Variants in ADI1 observed in about 807,000 individuals in gnomAD.
ADI1 encodes the protein acireductone dioxygenase 1.
ADI1 carries 21 observed loss-of-function variants against 18.7 expected under a neutral mutation model. The ratio of observed to expected loss-of-function variants is 1.13; its 90% CI spans 0.80 to 1.62. The LOEUF (loss-of-function observed/expected upper bound fraction) is 1.62, where lower values mean the gene tolerates loss of function less well. Among genes scored for constraint, ADI1 ranks in the 40% most tolerant of loss-of-function variants. ADI1 has a pLI of 0.00. For synonymous variants in ADI1, 90 were observed against 100.1 expected (o/e 0.90, Z 0.60); for missense variants, 245 against 254.9 (o/e 0.96, Z 0.26).
Position 3,498,325 on chromosome 2 carries a change from AACAC to A in ADI1, c.*634_*637del, listed in dbSNP as rs1666911125. On this transcript the variant is annotated 3_prime_UTR_variant, in exon 4 of 4. Coordinates refer to ENST00000327435, the MANE Select transcript of ADI1 (RefSeq NM_018269.4). ...AGAGATCTCACACTGAAAAAATACT[AACAC>A]AGCTCATATATAAATTACTTATCTA... 6.6e-6 allele frequency: 1 copy of A among 152,228 alleles called. No individual in the cohort carries two copies. Among genetic ancestry groups the A allele is most frequent in the Non-Finnish European group, 1.5e-5 (1 of 68,042 alleles). 9.4% of individuals were successfully genotyped at this position (152,228 alleles called of 1,614,324 possible). A position where few individuals can be genotyped will look rare whatever the true frequency, so the allele number is the denominator to read the frequency against.
chr2:3,503,730 A>C (rs1248573313), intron 2 of ADI1, among the ~76,000 whole-genome samples: 4 of 152,208 alleles, frequency 2.6e-5, no homozygotes, highest in Non-Finnish European at 5.9e-5. Context: ...CTGTAGGTCC[A>C]GAAAGTAATG....
At position 3,500,936 on chromosome 2, in the gene ADI1, C is replaced by A; in HGVS notation, c.298G>T (p.Asp100Tyr). The A allele has an allele frequency of 6.2e-7, 1 of 1,614,006 alleles. No homozygotes were observed. Residue 100 changes from aspartate to tyrosine, a missense_variant, in exon 3 of 4, where the codon GAT becomes TAT. Coordinates refer to ENST00000327435, the MANE Select transcript of ADI1 (RefSeq NM_018269.4). The part of the protein sequence containing the change: ...HLDDEIRYIL[D>Y]GSGYFDVRDK... ...CTCACATCGAAGTACCCACTGCCAT[C>A]CAGGATGTAGCGGATCTCATCGTCC...
intron 3 of ADI1, 102 bp downstream of exon 3, chr2:3,500,712 C>T: frequency 1.3e-6 from 2 of 1,501,820 alleles, no homozygotes; most frequent in African/African-American, 1.4e-5. Flanking sequence ...AGCCCAGCGA[C>T]CGCGCTTGGA....
At chr2:3,518,252 A>C (rs1263933716) in intron 1 of ADI1, among the ~76,000 whole-genome samples, 4 of 152,234 alleles carry the variant, frequency 2.6e-5, no homozygotes, top group Non-Finnish European at 5.9e-5. Context: ...TATTTAGGAT[A>C]GAACAAGATG....
intron 2 of ADI1, among the ~76,000 whole-genome samples, chr2:3,509,865 C>T (rs965321307): frequency 7.3e-5 from 11 of 151,644 alleles, no homozygotes; most frequent in African/African-American, 2.2e-4. Flanking sequence ...TTAGGCAGGC[C>T]GGGTGCGGTG....
At chr2:3,516,679 C>T (rs1472739263) in intron 1 of ADI1, 1 of 957,606 alleles carries the variant, frequency 1.0e-6, no homozygotes, top group African/African-American at 1.8e-5. Context: ...TATAAATTGC[C>T]CAGTTTAAGC....
chr2:3,501,864 A>T (rs1004893978), intron 2 of ADI1, among the ~76,000 whole-genome samples: 4 of 152,096 alleles, frequency 2.6e-5, no homozygotes. Flanking sequence ...TTTCTTCCTA[A>T]TATTTTATAA....
intron 1 of ADI1, chr2:3,514,706 T>C: frequency 7.0e-7 from 1 of 1,436,330 alleles, no homozygotes; most frequent in South Asian, 1.3e-5. Context: ...CTGATGAAGC[T>C]CCAGGCAGAA....
chr2:3,516,130 C>T, intron 1 of ADI1: 1 of 854,458 alleles, frequency 1.2e-6, no homozygotes, highest in Non-Finnish European at 1.4e-6. Context: ...GGGGTGGGAC[C>T]TTTAGGATGT....
At chr2:3,505,478 T>C (rs896198496) in intron 2 of ADI1, among the ~76,000 whole-genome samples, 2 of 152,168 alleles carry the variant, frequency 1.3e-5, no homozygotes, top group African/African-American at 4.8e-5. Context: ...CTGCAAAAGC[T>C]CTACTGGGTC....
chr2:3,513,912 GAGT>G lies in ADI1; in HGVS notation c.182_184del (p.Tyr61del). The G allele has an allele frequency of 6.2e-7, 1 of 1,612,172 alleles. No individual in the cohort carries two copies. The highest frequency in any genetic ancestry group is 8.5e-7 in the Non-Finnish European group (1 of 1,179,524). On this transcript the variant is annotated inframe_deletion, in exon 2 of 4. Transcript: ENST00000327435. Reference sequence around the variant, plus strand: ...GCATATGGTTATGATGTCCATCCAGGAGTAGTTCCTCTCTCTTCGGATCTTTTC... The same window carrying G: ...GCATATGGTTATGATGTCCATCCAGGAGTTCCTCTCTCTTCGGATCTTTTC...
At position 3,498,373 on chromosome 2, in the gene ADI1, G is replaced by C. The variant is rs916000147; in HGVS notation, c.*590C>G. On this transcript the variant is annotated 3_prime_UTR_variant, in exon 4 of 4. Coordinates refer to ENST00000327435, the MANE Select transcript of ADI1 (RefSeq NM_018269.4). ...TTATCTATAAGAACAATTATAGAAG[G>C]AATCTAAATGGGGCAATTTTAACAA... 6.6e-6 allele frequency: 1 copy of C among 152,140 alleles called. No individual in the cohort carries two copies. The highest frequency in any genetic ancestry group is 6.6e-5 in the Admixed American group (1 of 15,266). 9.4% of individuals were successfully genotyped at this position (152,140 alleles called of 1,614,324 possible). A position where few individuals can be genotyped will look rare whatever the true frequency, so the allele number is the denominator to read the frequency against.
At chr2:3,503,375 A>ATACACACGTACTC (rs1491549482) in intron 2 of ADI1, among the ~76,000 whole-genome samples, 2 of 102,940 alleles carry the variant, frequency 1.9e-5, no homozygotes, top group Non-Finnish European at 3.5e-5. Flanking sequence ...ACATGCACAC[A>ATACACACGTACTC]TACACACGTA....
chr2:3,500,473 T>G (rs370819216), intron 3 of ADI1: 4 of 197,300 alleles, frequency 2.0e-5, no homozygotes, highest in East Asian at 9.8e-5. Flanking sequence ...ACCCTAGAGA[T>G]GCCTCACCGC....
chr2:3,517,134 A>ATTC (rs1667426662), intron 1 of ADI1: 1 of 148,238 alleles, frequency 6.7e-6, no homozygotes, highest in Non-Finnish European at 1.4e-5. Flanking sequence ...AACTTTAAAG[A>ATTC]AGGAGGTGCA....
At chr2:3,510,090 C>T (rs987195727) in intron 2 of ADI1, among the ~76,000 whole-genome samples, 7 of 151,066 alleles carry the variant, frequency 4.6e-5, no homozygotes, top group African/African-American at 1.7e-4. Context: ...TTGCGGAGAG[C>T]CGAGATTGTG....
chr2:3,510,671 A>C (rs543632902), intron 2 of ADI1, among the ~76,000 whole-genome samples: 1 of 152,322 alleles, frequency 6.6e-6, no homozygotes, highest in Non-Finnish European at 1.5e-5. Flanking sequence ...TATGGCAATA[A>C]ATTTGACAAC....
rs1667507887 is a variant in ADI1, at chr2:3,519,455, C to T, written c.33G>A (p.Pro11=). The T allele has an allele frequency of 1.5e-6, 2 of 1,355,000 alleles. No homozygotes were observed. Among genetic ancestry groups the T allele is most frequent in the Admixed American group, 4.0e-5 (1 of 25,294 alleles). 83.9% of individuals were successfully genotyped at this position (1,355,000 alleles called of 1,614,324 possible). ...GGCGGTGGGGTTGCCGCGGGTCGCCCGGGGCGTCGTCCATATACCAGGCCT... is the reference window on the plus strand; with the variant it reads ...GGCGGTGGGGTTGCCGCGGGTCGCCTGGGGCGTCGTCCATATACCAGGCCT... The part of the protein sequence containing the change: MVQAWYMDDA[P]GDPRQPHRPD... The change falls in exon 1 of 4, where the codon CCG becomes CCA. Residue 11 remains proline (P), a synonymous_variant. Transcript: ENST00000327435.
Position 3,519,384 on chromosome 2 carries a change from C to A in ADI1, c.104G>T (p.Gly35Val). 1 of 1,428,824 alleles carries A rather than the reference C, an allele frequency of 7.0e-7. No individual in the cohort carries two copies. Among genetic ancestry groups the A allele is most frequent in the African/African-American group, 1.5e-5 (1 of 66,890 alleles). 88.5% of individuals were successfully genotyped at this position (1,428,824 alleles called of 1,614,324 possible). A position where few individuals can be genotyped will look rare whatever the true frequency, so the allele number is the denominator to read the frequency against. Residue 35 changes from glycine to valine, a missense_variant, in exon 1 of 4, where the codon GGG (glycine) becomes GTG (valine). By Grantham distance (109) the Gly-to-Val change is moderately radical. Transcript: ENST00000327435. Reference protein sequence around the residue: ...PVGLEQLRRLGVLYWKLDADK... With the variant: ...PVGLEQLRRLVVLYWKLDADK... ...CTCGCGTACCTTCCAGTAGAGCACC[C>A]CGAGCCGCCGCAGCTGCTCCAGGCC...
Sources: allele counts gnomAD v4.1 joint callset (sites outside exome capture counted in the v4.1 genomes callset), GRCh38; gene constraint gnomAD v4.1.1; transcripts MANE v1.5; gene names NCBI Gene and HGNC (gene_info 2026-07-23, HGNC 2026-07-21).